MARCHF1: variants seen among roughly 807,000 people sequenced by gnomAD.
The protein encoded by MARCHF1 is E3 ubiquitin-protein ligase MARCHF1.
In MARCHF1, 40 loss-of-function variants were observed where a neutral mutation model predicts 54.2. The ratio of observed to expected loss-of-function variants is 0.74; its 90% CI spans 0.57 to 0.96. MARCHF1 has a LOEUF of 0.96. Among genes scored for constraint, MARCHF1 ranks in the 40% least tolerant of loss-of-function variants. The pLI, the probability that MARCHF1 is intolerant of heterozygous loss-of-function variation, is 0.00. For missense variants in MARCHF1, 586 were observed against 656.5 expected (o/e 0.89, Z 1.17); for synonymous variants, 236 against 236.3 (o/e 1.00, Z 0.01).
At chr4:163,889,905 C>T (rs1455614942) in intron 3 of MARCHF1, among the ~76,000 whole-genome samples, 1 of 144,108 alleles carries the variant, frequency 6.9e-6, no homozygotes, top group Non-Finnish European at 1.5e-5. Context: ...TGTTAAACTT[C>T]GTTTATTTAT....
rs1754069699 is a variant in MARCHF1 at position 164,039,015 on chromosome 4, ATTAAT to A, written c.-247-50311_-247-50307del. Reference sequence around the variant, plus strand: ...TAAGATAAACACTTAAAGAAAAATCATTAATTTAATGCATATTTTCAAGAGTGTGA... The same window carrying A: ...TAAGATAAACACTTAAAGAAAAATCATTAATGCATATTTTCAAGAGTGTGA... On this transcript the variant is annotated intron_variant, in intron 2 of 9. Transcript: ENST00000514618. Among the ~76,000 whole-genome samples, 3 of 152,344 alleles carry A rather than the reference ATTAAT, an allele frequency of 2.0e-5. No homozygotes were observed. The South Asian group carries it at 6.2e-4, about 32-fold the overall frequency.
intron 3 of MARCHF1, among the ~76,000 whole-genome samples, chr4:163,938,318 T>C (rs1008784325): frequency 6.6e-6 from 1 of 152,204 alleles, no homozygotes; most frequent in Non-Finnish European, 1.5e-5. Flanking sequence ...GATCCAATGA[T>C]GGCAAATTAC....
At chr4:163,999,790 A>G (rs763924074) in intron 2 of MARCHF1, among the ~76,000 whole-genome samples, 2 of 151,596 alleles carry the variant, frequency 1.3e-5, no homozygotes, top group Non-Finnish European at 3.0e-5. Context: ...GTATAATTTA[A>G]TTTGTTCCCC....
chr4:163,790,198 A>G (rs1561078889), intron 4 of MARCHF1, among the ~76,000 whole-genome samples: 1 of 152,128 alleles, frequency 6.6e-6, no homozygotes, highest in East Asian at 1.9e-4. Context: ...TAATGAGAAC[A>G]TTTAAAAAGA....
chr4:163,598,451 TCA>T (rs1425926186), intron 7 of MARCHF1, among the ~76,000 whole-genome samples: 1 of 152,236 alleles, frequency 6.6e-6, no homozygotes, highest in African/African-American at 2.4e-5. Context: ...TGTGTGAACA[TCA>T]CAGAGTGAAC....
At chr4:163,568,059 T>C (rs993204996) in intron 8 of MARCHF1, among the ~76,000 whole-genome samples, 3 of 152,150 alleles carry the variant, frequency 2.0e-5, no homozygotes, top group Non-Finnish European at 4.4e-5. Context: ...ATATTACAGT[T>C]TATCTATTGA....
chr4:164,311,284 GA>G (rs966389425), intron 1 of MARCHF1, among the ~76,000 whole-genome samples: 2 of 151,458 alleles, frequency 1.3e-5, no homozygotes, highest in East Asian at 1.9e-4. Context: ...GTAATACTGG[GA>G]AAAAAAAGGA....
chr4:163,874,977 G>A (rs1215564849), intron 3 of MARCHF1, among the ~76,000 whole-genome samples: 1 of 152,112 alleles, frequency 6.6e-6, no homozygotes, highest in East Asian at 1.9e-4. Flanking sequence ...TCTGAGGTTT[G>A]CTGTTCAGCC....
intron 3 of MARCHF1, among the ~76,000 whole-genome samples, chr4:163,979,569 T>C (rs1325007066): frequency 8.9e-4 from 134 of 150,506 alleles, no homozygotes; most frequent in African/African-American, 1.4e-3. Context: ...ATGGTATTTC[T>C]AGTTCTAGAT....
intron 4 of MARCHF1, among the ~76,000 whole-genome samples, chr4:163,725,190 A>G (rs539118034): frequency 9.2e-5 from 14 of 152,304 alleles, no homozygotes; most frequent in Middle Eastern, 3.4e-3. Context: ...AAAATCTTAA[A>G]TGTTCTAGAG....
intron 5 of MARCHF1, among the ~76,000 whole-genome samples, chr4:163,628,889 G>T (rs1380412997): frequency 1.3e-5 from 2 of 152,066 alleles, no homozygotes; most frequent in East Asian, 3.9e-4. Context: ...CACTGCTCAA[G>T]GAAATCAGAG....
At chr4:163,799,099 G>T (rs7658618) in intron 4 of MARCHF1, among the ~76,000 whole-genome samples, 118,452 of 151,954 alleles carry the variant, frequency 0.78, 47,518 homozygotes, top group Non-Finnish European at 0.88. Context: ...TGAATAAAAA[G>T]TAAATAAAAT....
chr4:163,728,547 A>AT (rs1745735835), intron 4 of MARCHF1, among the ~76,000 whole-genome samples: 1 of 151,990 alleles, frequency 6.6e-6, no homozygotes, highest in South Asian at 2.1e-4. Context: ...AGTCTTCATT[A>AT]TTTTGAGTGC....
At chr4:163,988,071 TTTG>T (rs1310761288) in intron 3 of MARCHF1, among the ~76,000 whole-genome samples, 1 of 152,356 alleles carries the variant, frequency 6.6e-6, no homozygotes, top group South Asian at 2.1e-4. Context: ...TCTCTGTCCC[TTTG>T]TTAAGACAGT....
chr4:163,893,483 G>T (rs1227733644), intron 3 of MARCHF1, among the ~76,000 whole-genome samples: 1 of 152,126 alleles, frequency 6.6e-6, no homozygotes, highest in East Asian at 1.9e-4. Context: ...TGCAAAGATA[G>T]TTGGGAACAA....
At position 164,235,802 on chromosome 4, in the gene MARCHF1, C is replaced by T. The variant is rs371648828; in HGVS notation, c.-322-124140G>A. Among the ~76,000 whole-genome samples the T allele has an allele frequency of 2.1e-3, 323 of 151,992 alleles. 1 individual carries two copies. The highest frequency in any genetic ancestry group is 7.4e-3 in the African/African-American group (308 of 41,480). On this transcript the variant is annotated intron_variant, in intron 1 of 9. Coordinates refer to ENST00000514618, the MANE Select transcript of MARCHF1 (RefSeq NM_001394959.1). Reference sequence around the variant, plus strand: ...CACATTAGGTACAATGTATACTACTCGGGTGATGGGTGTACTACAATCTCA... The same window carrying T: ...CACATTAGGTACAATGTATACTACTTGGGTGATGGGTGTACTACAATCTCA...
At chr4:163,890,434 A>G (rs1017604780) in intron 3 of MARCHF1, among the ~76,000 whole-genome samples, 1 of 152,106 alleles carries the variant, frequency 6.6e-6, no homozygotes, top group African/African-American at 2.4e-5. Flanking sequence ...AGAAAATAAG[A>G]GTGTGGACTT....
At position 163,557,959 on chromosome 4, in the gene MARCHF1, A is replaced by G. The variant is rs28460017; in HGVS notation, c.1192-12216T>C. Among the ~76,000 whole-genome samples, 181 of 152,340 alleles carry G rather than the reference A, an allele frequency of 1.2e-3. 1 individual carries two copies. The highest frequency in any genetic ancestry group is 4.2e-3 in the African/African-American group (173 of 41,582). ...TGGAGCAGGAAGGTTTAATATTCCCATTTAAACATCTCCTTTCTATTGAAG... is the reference window on the plus strand; with the variant it reads ...TGGAGCAGGAAGGTTTAATATTCCCGTTTAAACATCTCCTTTCTATTGAAG... On this transcript the variant is annotated intron_variant, in intron 8 of 9. Coordinates refer to ENST00000514618, the MANE Select transcript of MARCHF1 (RefSeq NM_001394959.1).
At chr4:163,918,643 A>T (rs1396020110) in intron 3 of MARCHF1, among the ~76,000 whole-genome samples, 1 of 152,124 alleles carries the variant, frequency 6.6e-6, no homozygotes, top group Non-Finnish European at 1.5e-5. Flanking sequence ...AAATGTGTGT[A>T]ATGTTTTCTT....
Sources: gnomAD v4.1 joint callset for allele counts (sites outside exome capture counted in the v4.1 genomes callset) on GRCh38, gnomAD v4.1.1 for gene constraint, MANE v1.5 for transcripts, NCBI Gene and HGNC (gene_info 2026-07-23, HGNC 2026-07-21) for gene names.